The following CLIP2 variants were observed in gnomAD, a reference collection of about 807,000 sequenced individuals.
CLIP2 encodes the protein CAP-Gly domain-containing linker protein 2.
CLIP2 carries 41 observed loss-of-function variants against 111.7 expected under a neutral mutation model. The observed-to-expected ratio is 0.37, with a 90% CI of 0.29 to 0.48. The LOEUF (loss-of-function observed/expected upper bound fraction) is 0.48. Among genes scored for constraint, CLIP2 ranks in the 20% least tolerant of loss-of-function variants. The pLI, the probability that CLIP2 is intolerant of heterozygous loss-of-function variation, is 0.99. For synonymous variants in CLIP2, 660 were observed against 644.2 expected, an observed-to-expected ratio of 1.02 and a Z score of -0.37; for missense variants, 1,160 against 1,422.1, an observed-to-expected ratio of 0.82 and a Z score of 2.96.
At chr7:74,355,799 C>A (rs1013420096) in intron 4 of CLIP2, among the ~76,000 whole-genome samples, 1 of 152,158 alleles carries the variant, frequency 6.6e-6, no homozygotes, top group Non-Finnish European at 1.5e-5. Flanking sequence ...GACAGCAGTC[C>A]CCATCCCACC....
intron 1 of CLIP2, among the ~76,000 whole-genome samples, chr7:74,305,184 A>G (rs1293646255): frequency 1.5e-5 from 1 of 65,236 alleles, no homozygotes; most frequent in Non-Finnish European, 4.8e-5. Flanking sequence ...ATCCGTGCCC[A>G]CCCACCCACT....
At chr7:74,334,935 CAG>C (rs1255653460) in intron 2 of CLIP2, among the ~76,000 whole-genome samples, 1 of 151,834 alleles carries the variant, frequency 6.6e-6, no homozygotes, top group African/African-American at 2.4e-5. Context: ...TTGCAGTGAG[CAG>C]AGATTGCACC....
At chr7:74,318,993 C>T (rs1400828457) in intron 2 of CLIP2, among the ~76,000 whole-genome samples, 1 of 152,096 alleles carries the variant, frequency 6.6e-6, no homozygotes, top group Non-Finnish European at 1.5e-5. Context: ...CGTGAAAGGG[C>T]GAGGAAGCTG....
At chr7:74,362,474 C>G (rs782111573) in intron 7 of CLIP2, among the ~76,000 whole-genome samples, 1 of 151,950 alleles carries the variant, frequency 6.6e-6, no homozygotes, top group African/African-American at 2.4e-5. Flanking sequence ...CATCTGGTTC[C>G]CATGGCGATG....
At chr7:74,301,457 A>C (rs557437723) in intron 1 of CLIP2, among the ~76,000 whole-genome samples, 1 of 151,942 alleles carries the variant, frequency 6.6e-6, no homozygotes, top group South Asian at 2.1e-4. Flanking sequence ...ATCTCGGCTC[A>C]CTGCAACCTC....
rs36118816 is a variant in CLIP2, at chr7:74,382,304, C to CTT, written c.2479+1458_2479+1459dup. 4.7e-3 allele frequency among the ~76,000 whole-genome samples: 338 copies of CTT among 71,892 alleles called. 13 individuals carry two copies. The highest frequency in any genetic ancestry group is 0.022 in the Middle Eastern group (3 of 136). 47.2% of individuals were successfully genotyped at this position (71,892 alleles called of 152,430 possible). On this transcript the variant is annotated intron_variant, in intron 11 of 16. Coordinates refer to ENST00000223398, the MANE Select transcript of CLIP2 (RefSeq NM_003388.5). ...GGGGTTTCTCCATGTTGGGGCTGGT[C>CTT]TTTTTTTTTTTTTTTTTTAAGACAG...
chr7:74,378,298 TTA>T (rs1388649637), intron 10 of CLIP2, among the ~76,000 whole-genome samples: 2 of 151,528 alleles, frequency 1.3e-5, no homozygotes, highest in Admixed American at 1.3e-4. Context: ...TGGCTAATTT[TTA>T]TAGTTTTTGT....
At chr7:74,329,658 C>CT (rs564834823) in intron 2 of CLIP2, among the ~76,000 whole-genome samples, 1 of 151,710 alleles carries the variant, frequency 6.6e-6, no homozygotes, top group South Asian at 2.1e-4. Flanking sequence ...GCAGAGGACA[C>CT]TTTTTTATCT....
intron 11 of CLIP2, among the ~76,000 whole-genome samples, chr7:74,386,191 G>A (rs1390048546): frequency 2.0e-5 from 3 of 151,762 alleles, no homozygotes; most frequent in African/African-American, 4.8e-5. Flanking sequence ...GGGATTACAG[G>A]CACCTGCCAC....
chr7:74,329,823 A>G (rs1554731062), intron 2 of CLIP2, among the ~76,000 whole-genome samples: 1 of 152,068 alleles, frequency 6.6e-6, no homozygotes, highest in African/African-American at 2.4e-5. Flanking sequence ...TCTGTGGCCC[A>G]GGCTGGAGTG....
At chr7:74,346,981 G>C (rs1789815503) in intron 3 of CLIP2, among the ~76,000 whole-genome samples, 2 of 152,150 alleles carry the variant, frequency 1.3e-5, no homozygotes, top group East Asian at 1.9e-4. Context: ...CGAGGCTACA[G>C]TGAGCCATGA....
At chr7:74,322,793 C>T (rs527455191) in intron 2 of CLIP2, among the ~76,000 whole-genome samples, 30 of 151,742 alleles carry the variant, frequency 2.0e-4, no homozygotes, top group African/African-American at 5.1e-4. Context: ...TGCAGTGGCG[C>T]GATCTTGGCT....
At chr7:74,327,863 C>A (rs1351877722) in intron 2 of CLIP2, among the ~76,000 whole-genome samples, 3 of 152,210 alleles carry the variant, frequency 2.0e-5, no homozygotes, top group Non-Finnish European at 4.4e-5. Flanking sequence ...TGGCTCTGTT[C>A]TTTCCAGGGT....
chr7:74,356,426 C>T lies in CLIP2; in HGVS notation c.820C>T (p.Pro274Ser), dbSNP rs1790145693. The T allele has an allele frequency of 1.2e-6, 2 of 1,614,096 alleles. No homozygotes were observed. Among genetic ancestry groups the T allele is most frequent in the African/African-American group, 2.7e-5 (2 of 74,928 alleles). ...VAGTRYFQCPPKFGLFAPIHK... is the reference protein window; with the variant it reads ...VAGTRYFQCPSKFGLFAPIHK... ...CTTCCACAGGTACTTCCAGTGCCCA[C>T]CCAAGTTTGGTCTCTTCGCGCCCAT... The change falls in exon 5 of 17, where the codon CCC becomes TCC. Residue 274 changes from proline (P) to serine (S), a missense_variant. Physicochemically the swap from Pro to Ser is moderately conservative, Grantham distance 74 (BLOSUM62 -1). Transcript: ENST00000223398.
rs1482599071 is a variant in CLIP2 at position 74,405,904 on chromosome 7, T to G, written c.*2056T>G. 3.3e-5 allele frequency: 5 copies of G among 152,416 alleles called. No individual in the cohort carries two copies. The highest frequency in any genetic ancestry group is 4.4e-5 in the Non-Finnish European group (3 of 68,150). The allele number at this position is 152,416 out of a possible 1,614,324, so 9.4% of individuals were successfully genotyped here. A position where few individuals can be genotyped will look rare whatever the true frequency, so the allele number is the denominator to read the frequency against. On this transcript the variant is annotated 3_prime_UTR_variant, in exon 17 of 17. Coordinates refer to ENST00000223398, the MANE Select transcript of CLIP2 (RefSeq NM_003388.5). ...TTGTTGAAGTGTGGCGAGTCTGTGC[T>G]CGGGACAATAAAGCTTGTGACAGGT... is the stretch of plus-strand genomic sequence containing the variant.
chr7:74,344,093 C>T (rs1554305872), intron 3 of CLIP2, among the ~76,000 whole-genome samples: 1 of 152,112 alleles, frequency 6.6e-6, no homozygotes, highest in Non-Finnish European at 1.5e-5. Context: ...GATTGGGGAG[C>T]AGTAGGTTTA....
At chr7:74,382,730 C>T (rs1442904619) in intron 11 of CLIP2, among the ~76,000 whole-genome samples, 1 of 151,788 alleles carries the variant, frequency 6.6e-6, no homozygotes, top group Non-Finnish European at 1.5e-5. Context: ...CCCACTTTGT[C>T]ATTTGCCTTT....
In CLIP2 at chr7:74,296,676, C is replaced by G. The variant is rs782348497; in HGVS notation, c.-68+6942C>G. Among the ~76,000 whole-genome samples the G allele has an allele frequency of 9.9e-5, 15 of 151,310 alleles. No homozygotes were observed. In the South Asian group the frequency reaches 3.1e-3, roughly 31 times the overall value. On this transcript the variant is annotated intron_variant, in intron 1 of 16. Coordinates refer to ENST00000223398, the MANE Select transcript of CLIP2 (RefSeq NM_003388.5). The stretch of plus-strand genomic sequence containing the variant: ...TGGTGGTGTGCACCTATAGTCCCAG[C>G]TACTCGGGAGGCTGAGGCAGGAGAA...
chr7:74,360,038 C>T, intron 6 of CLIP2, 137 bp from the exon 7 acceptor site: 2 of 652,162 alleles, frequency 3.1e-6, no homozygotes, highest in Non-Finnish European at 5.3e-6. Context: ...CTGTGCATGC[C>T]CGGCAGGTGC....
Sources: gnomAD v4.1 joint callset for allele counts (sites outside exome capture counted in the v4.1 genomes callset) on GRCh38, gnomAD v4.1.1 for gene constraint, MANE v1.5 for transcripts, NCBI Gene and HGNC (gene_info 2026-07-23, HGNC 2026-07-21) for gene names.